UGT1A8: variants seen among roughly 807,000 people sequenced by gnomAD.
UGT1A8 encodes UDP-glucuronosyltransferase 1A8.
Under a neutral mutation model 45.3 loss-of-function variants are expected in UGT1A8, and 39 were observed. The observed-to-expected ratio is 0.86, with a 90% confidence interval of 0.67 to 1.12. UGT1A8 has a LOEUF of 1.12. Ranked by LOEUF, UGT1A8 falls within the 50% of genes most tolerant of loss-of-function variation. UGT1A8 has a pLI of 0.00. For missense variants in UGT1A8, 719 were observed against 664.9 expected (o/e 1.08, Z -0.90); for synonymous variants, 275 against 249.2 (o/e 1.10, Z -0.97).
At chr2:233,641,020 C>A (rs2073437968) in intron 1 of UGT1A8, among the ~76,000 whole-genome samples, 1 of 152,156 alleles carries the variant, frequency 6.6e-6, no homozygotes, top group African/African-American at 2.4e-5. Flanking sequence ...GATCACCAGA[C>A]CCTCAGCTGA....
At chr2:233,647,203 C>A (rs1286417019) in intron 1 of UGT1A8, among the ~76,000 whole-genome samples, 1 of 152,228 alleles carries the variant, frequency 6.6e-6, no homozygotes, top group Non-Finnish European at 1.5e-5. Context: ...CAGGTTCCTT[C>A]CATGACACGT....
At chr2:233,654,175 T>A (rs2073802506) in intron 1 of UGT1A8, among the ~76,000 whole-genome samples, 2 of 151,992 alleles carry the variant, frequency 1.3e-5, no homozygotes, top group Admixed American at 1.3e-4. Context: ...TGAAAAAACC[T>A]AAAAAGAAGA....
chr2:233,623,255 C>T (rs777174179), intron 1 of UGT1A8, among the ~76,000 whole-genome samples: 3 of 152,100 alleles, frequency 2.0e-5, no homozygotes, highest in Non-Finnish European at 4.4e-5. Context: ...TTTTCCAATT[C>T]TGTGAAGAAA....
At chr2:233,760,261 C>T (rs2125981397) in intron 1 of UGT1A8, 4 of 1,611,118 alleles carry the variant, frequency 2.5e-6, no homozygotes, top group South Asian at 1.1e-5. Flanking sequence ...TAGGAGAGGG[C>T]GAACCTCTGG....
intron 1 of UGT1A8, among the ~76,000 whole-genome samples, chr2:233,725,940 AG>A (rs1419674144): frequency 2.0e-5 from 3 of 152,132 alleles, no homozygotes; most frequent in Non-Finnish European, 4.4e-5. Flanking sequence ...CTGATGCAGG[AG>A]GATTGTTTGA....
intron 1 of UGT1A8, among the ~76,000 whole-genome samples, chr2:233,627,662 T>A (rs987783158): frequency 1.3e-5 from 2 of 149,950 alleles, no homozygotes; most frequent in East Asian, 2.0e-4. Flanking sequence ...CCTTCCTTCC[T>A]TCCTTCCTTC....
intron 1 of UGT1A8, among the ~76,000 whole-genome samples, chr2:233,700,325 CCT>C (rs1265202674): frequency 6.6e-6 from 1 of 152,188 alleles, no homozygotes; most frequent in Non-Finnish European, 1.5e-5. Flanking sequence ...TAAAATTCTG[CCT>C]CTCTTTCAAA....
At chr2:233,621,302 G>C (rs996468572) in intron 1 of UGT1A8, among the ~76,000 whole-genome samples, 16 of 152,180 alleles carry the variant, frequency 1.1e-4, no homozygotes, top group African/African-American at 3.9e-4. Flanking sequence ...AGAAAAAGAG[G>C]AAGTCACTCC....
Position 233,768,313 on chromosome 2 carries a change from T to C in UGT1A8, c.1169T>C (p.Leu390Ser). 6.2e-7 allele frequency: 1 copy of C among 1,614,194 alleles called. No individual in the cohort carries two copies. The highest frequency in any genetic ancestry group is 8.5e-7 in the Non-Finnish European group (1 of 1,180,048). ...CNGVPMVMMP[L>S]FGDQMDNAKR... The stretch of plus-strand genomic sequence containing the variant: ...GGCGTTCCCATGGTGATGATGCCCT[T>C]GTTTGGTGATCAGATGGACAATGCA... Residue 390 changes from leucine (L) to serine (S), a missense_variant, in exon 4 of 5, where the codon TTG becomes TCG. By Grantham distance (145) the Leu-to-Ser change is moderately radical. Coordinates refer to ENST00000373450, the MANE Select transcript of UGT1A8 (RefSeq NM_019076.5).
At chr2:233,671,931 T>G in intron 1 of UGT1A8, 1 of 1,603,076 alleles carries the variant, frequency 6.2e-7, no homozygotes, top group Non-Finnish European at 8.5e-7. Flanking sequence ...GCTGCAGTTC[T>G]CTGATGGCTT....
intron 1 of UGT1A8, chr2:233,729,865 G>C (rs2077938207): frequency 3.7e-6 from 6 of 1,613,698 alleles, no homozygotes; most frequent in African/African-American, 1.3e-5. Context: ...GTCAGTGGTG[G>C]ATATTCTCAG....
chr2:233,621,022 G>A (rs578145454), intron 1 of UGT1A8, among the ~76,000 whole-genome samples: 71 of 152,238 alleles, frequency 4.7e-4, no homozygotes, highest in Admixed American at 1.8e-3. Flanking sequence ...ACCCTGCACA[G>A]GGGATTTCTT....
chr2:233,619,189 T>C (rs1357650827), intron 1 of UGT1A8, among the ~76,000 whole-genome samples: 1 of 152,202 alleles, frequency 6.6e-6, no homozygotes, highest in Admixed American at 6.5e-5. Flanking sequence ...TATGCTGTGC[T>C]GGACATATTC....
chr2:233,623,242 G>GT (rs1235726998), intron 1 of UGT1A8, among the ~76,000 whole-genome samples: 7 of 152,108 alleles, frequency 4.6e-5, no homozygotes, highest in Admixed American at 6.6e-5. Flanking sequence ...ATTTAAAGTA[G>GT]TTTTTTCCAA....
intron 1 of UGT1A8, among the ~76,000 whole-genome samples, chr2:233,644,007 C>A (rs2073532026): frequency 6.6e-6 from 1 of 152,118 alleles, no homozygotes; most frequent in Non-Finnish European, 1.5e-5. Context: ...AGCTGTGCAT[C>A]CTGGGATTAG....
At chr2:233,718,857 G>A (rs1210101221) in intron 1 of UGT1A8, 8 of 1,613,658 alleles carry the variant, frequency 5.0e-6, no homozygotes, top group Non-Finnish European at 6.8e-6. Flanking sequence ...GCCGCGGCTG[G>A]CCACAGGACT....
At chr2:233,727,367 A>G (rs1174142839) in intron 1 of UGT1A8, among the ~76,000 whole-genome samples, 6 of 152,052 alleles carry the variant, frequency 3.9e-5, no homozygotes, top group Non-Finnish European at 7.4e-5. Flanking sequence ...TAGGGCCCCT[A>G]GGTCTCTGGA....
At chr2:233,754,678 C>A (rs1419838969) in intron 1 of UGT1A8, 1 of 475,568 alleles carries the variant, frequency 2.1e-6, no homozygotes, top group Non-Finnish European at 4.1e-6. Context: ...TTTTTACCAT[C>A]AACTATTTCA....
chr2:233,631,205 G>A (rs1045076147), intron 1 of UGT1A8, among the ~76,000 whole-genome samples: 4 of 152,146 alleles, frequency 2.6e-5, no homozygotes, highest in African/African-American at 4.8e-5. Flanking sequence ...ATTCCATGGT[G>A]TATATGTGCC....
Sources: allele counts gnomAD v4.1 joint callset (sites outside exome capture counted in the v4.1 genomes callset), GRCh38; gene constraint gnomAD v4.1.1; transcripts MANE v1.5; gene names NCBI Gene and HGNC (gene_info 2026-07-23, HGNC 2026-07-21).